Variants in FGF14 observed in about 807,000 individuals in gnomAD.
FGF14 encodes fibroblast growth factor 14, also known as fibroblast growth factor homologous factor 4.
A neutral mutation model predicts 25.5 loss-of-function variants in FGF14; 5 were observed. The ratio of observed to expected loss-of-function variants is 0.20; its 90% CI spans 0.10 to 0.41. FGF14 has a LOEUF of 0.41. FGF14 is among the 10% of genes least tolerant of loss of function. The pLI, the probability that FGF14 is intolerant of heterozygous loss-of-function variation, is 1.00. For missense variants in FGF14, 222 were observed against 320.1 expected, an observed-to-expected ratio of 0.69 and a Z score of 2.34; for synonymous variants, 138 against 118.3, an observed-to-expected ratio of 1.17 and a Z score of -1.08.
At chr13:101,759,577 A>G (rs1453042646) in intron 3 of FGF14, among the ~76,000 whole-genome samples, 7 of 152,194 alleles carry the variant, frequency 4.6e-5, no homozygotes, top group Admixed American at 3.9e-4. Context: ...TAGGTTGGAA[A>G]GACAGGTTCA....
chr13:102,177,371 A>G (rs2048491168), intron 1 of FGF14, among the ~76,000 whole-genome samples: 1 of 152,180 alleles, frequency 6.6e-6, no homozygotes, highest in Non-Finnish European at 1.5e-5. Context: ...AGATGTTTTC[A>G]GCCCTAGTGT....
chr13:102,044,534 T>C (rs78785903), intron 1 of FGF14, among the ~76,000 whole-genome samples: 3,318 of 148,022 alleles, frequency 0.022, 110 homozygotes, highest in African/African-American at 0.074. Flanking sequence ...GTCTCCTCTT[T>C]CGTAAAAAAA....
At chr13:101,997,002 T>G (rs1300373728) in intron 1 of FGF14, among the ~76,000 whole-genome samples, 1 of 152,196 alleles carries the variant, frequency 6.6e-6, no homozygotes, top group Non-Finnish European at 1.5e-5. Flanking sequence ...TCACTCTCAC[T>G]TTATTTAAAT....
intron 1 of FGF14, among the ~76,000 whole-genome samples, chr13:102,059,291 C>G (rs1299086099): frequency 1.3e-5 from 2 of 152,190 alleles, no homozygotes; most frequent in Non-Finnish European, 2.9e-5. Flanking sequence ...TCTCTTTCCT[C>G]CCTGCAAGCC....
intron 1 of FGF14, among the ~76,000 whole-genome samples, chr13:101,898,395 T>C (rs1450862197): frequency 3.4e-5 from 5 of 147,438 alleles, no homozygotes; most frequent in East Asian, 2.0e-4. Context: ...GAAATGAGTA[T>C]TGACAGAAAT....
chr13:102,259,653 A>C (rs999609762), intron 1 of FGF14, among the ~76,000 whole-genome samples: 7 of 152,042 alleles, frequency 4.6e-5, no homozygotes, highest in African/African-American at 1.7e-4. Context: ...TTTTACCTTC[A>C]CATTCCCCAG....
intron 3 of FGF14, among the ~76,000 whole-genome samples, chr13:101,813,072 A>C (rs2041659692): frequency 6.6e-6 from 1 of 152,154 alleles, no homozygotes; most frequent in Non-Finnish European, 1.5e-5. Flanking sequence ...CAGACTGCCA[A>C]AGAGGTGAAG....
At chr13:101,953,526 C>G (rs761385843) in intron 1 of FGF14, among the ~76,000 whole-genome samples, 18 of 150,932 alleles carry the variant, frequency 1.2e-4, no homozygotes, top group Non-Finnish European at 2.7e-4. Flanking sequence ...GTTACTTGGT[C>G]AACTGCTACC....
chr13:102,127,653 C>T (rs972911298), intron 1 of FGF14, among the ~76,000 whole-genome samples: 1 of 152,140 alleles, frequency 6.6e-6, no homozygotes, highest in African/African-American at 2.4e-5. Context: ...ATGTTCTATT[C>T]TTTTTGTTAC....
rs183358451 is a variant in FGF14, at chr13:101,836,148, G to A, written c.408+32577C>T. ...TGACTGTGGTATTAGCACTTTGCTT[G>A]TAAAAGACTGAGCAATTTGAAGTCT... On this transcript the variant is annotated intron_variant, in intron 3 of 4. Transcript: ENST00000376143. 1.0e-3 allele frequency among the ~76,000 whole-genome samples: 158 copies of A among 152,152 alleles called. 1 individual carries two copies. The highest frequency in any genetic ancestry group is 3.8e-3 in the African/African-American group (156 of 41,540).
chr13:101,961,233 T>G (rs966658103), intron 1 of FGF14, among the ~76,000 whole-genome samples: 1 of 152,216 alleles, frequency 6.6e-6, no homozygotes, highest in African/African-American at 2.4e-5. Context: ...TGCCATTGCT[T>G]TCAACATTTT....
At chr13:102,149,497 A>G (rs2046990600) in intron 1 of FGF14, among the ~76,000 whole-genome samples, 1 of 152,250 alleles carries the variant, frequency 6.6e-6, no homozygotes, top group African/African-American at 2.4e-5. Flanking sequence ...ACGACATCTT[A>G]GAGCCCATCT....
At chr13:102,354,368 C>T (rs913490888) in intron 1 of FGF14, 1 of 152,190 alleles carries the variant, frequency 6.6e-6, no homozygotes, top group Non-Finnish European at 1.5e-5. Context: ...TCCTCTACCC[C>T]CTCTCTCACA....
chr13:101,917,627 C>G (rs544787843), upstream of FGF14, among the ~76,000 whole-genome samples: 2 of 152,160 alleles, frequency 1.3e-5, no homozygotes, highest in African/African-American at 2.4e-5. Flanking sequence ...CAACGCCCCC[C>G]CGTCGCCACC....
chr13:102,319,701 G>A (rs1024330573), intron 1 of FGF14, among the ~76,000 whole-genome samples: 1 of 152,242 alleles, frequency 6.6e-6, no homozygotes, highest in African/African-American at 2.4e-5. Flanking sequence ...CCGGTTGCTT[G>A]TGTTCTTCTA....
intron 1 of FGF14, among the ~76,000 whole-genome samples, chr13:102,067,234 C>G (rs374034608): frequency 6.6e-6 from 1 of 152,074 alleles, no homozygotes; most frequent in Non-Finnish European, 1.5e-5. Flanking sequence ...TATAACTATG[C>G]GTATTTAGTT....
chr13:101,980,925 A>G (rs558799163), intron 1 of FGF14, among the ~76,000 whole-genome samples: 3 of 152,274 alleles, frequency 2.0e-5, no homozygotes, highest in Non-Finnish European at 4.4e-5. Flanking sequence ...CACCCTCCTC[A>G]ACGGAGTAAG....
At chr13:102,343,850 G>C (rs1483915856) in intron 1 of FGF14, among the ~76,000 whole-genome samples, 1 of 152,092 alleles carries the variant, frequency 6.6e-6, no homozygotes, top group African/African-American at 2.4e-5. Flanking sequence ...TTTTTCAAGC[G>C]GCTGTTATGA....
At chr13:102,077,921 G>A (rs1462423540) in intron 1 of FGF14, among the ~76,000 whole-genome samples, 1 of 152,124 alleles carries the variant, frequency 6.6e-6, no homozygotes, top group Non-Finnish European at 1.5e-5. Flanking sequence ...TTTTTTAAAT[G>A]TGGTATATAT....
Sources: gnomAD v4.1 joint callset for allele counts (sites outside exome capture counted in the v4.1 genomes callset) on GRCh38, gnomAD v4.1.1 for gene constraint, MANE v1.5 for transcripts, NCBI Gene and HGNC (gene_info 2026-07-23, HGNC 2026-07-21) for gene names.